SCMH1: variants seen among roughly 807,000 people sequenced by gnomAD.
SCMH1 encodes polycomb protein SCMH1.
In SCMH1, 37 loss-of-function variants were observed where a neutral mutation model predicts 70.8. The observed-to-expected ratio is 0.52, with a 90% CI of 0.40 to 0.69. The LOEUF (loss-of-function observed/expected upper bound fraction) is 0.69. Among genes scored for constraint, SCMH1 ranks in the 30% least tolerant of loss-of-function variants. SCMH1 has a pLI of 0.00. For missense variants in SCMH1, 607 were observed against 827.3 expected (o/e 0.73, Z 3.27); for synonymous variants, 292 against 307.4 (o/e 0.95, Z 0.52).
At chr1:41,080,391 C>A (rs561894881) in intron 8 of SCMH1, among the ~76,000 whole-genome samples, 4 of 152,088 alleles carry the variant, frequency 2.6e-5, no homozygotes, top group African/African-American at 7.2e-5. Context: ...GCCAGCATAA[C>A]CCTCATACCA....
Position 41,089,787 on chromosome 1 carries a change from C to CTTTTTTTTTTTTTTTTTTT in SCMH1, c.746-14355_746-14337dup. On this transcript the variant is annotated intron_variant, in intron 8 of 14. Coordinates refer to ENST00000337495, the Ensembl canonical transcript of SCMH1. Reference sequence around the variant, plus strand: ...TTATTCCACTCTAACCATGTTGTCTCTTTTTTTTTTTTTTTTTTTTTTGAG... The same window carrying CTTTTTTTTTTTTTTTTTTT: ...TTATTCCACTCTAACCATGTTGTCTCTTTTTTTTTTTTTTTTTTTTTTTTTTTTTTTTTTTTTTTTTGAG... Among the ~76,000 whole-genome samples, 218 of 58,746 alleles carry CTTTTTTTTTTTTTTTTTTT rather than the reference C, an allele frequency of 3.7e-3. 59 individuals are homozygous for CTTTTTTTTTTTTTTTTTTT. Among genetic ancestry groups the CTTTTTTTTTTTTTTTTTTT allele is most frequent in the South Asian group, 0.013 (11 of 878 alleles). The allele number at this position is 58,746 out of a possible 152,430, so 38.5% of individuals were successfully genotyped here. A position where few individuals can be genotyped will look rare whatever the true frequency, so the allele number is the denominator to read the frequency against.
rs186118120 is a variant in SCMH1 at position 41,110,153 on chromosome 1, G to A, written c.745+3130C>T. 9.6e-4 allele frequency among the ~76,000 whole-genome samples: 146 copies of A among 152,230 alleles called. 2 individuals are homozygous for A. Among genetic ancestry groups the A allele is most frequent in the Admixed American group, 2.0e-3 (31 of 15,294 alleles). ...TCACAGAGAGGAGTGGCACTTTCCT[G>A]AGCCAAGAAGTGTGTTTCCCTTTCA... is the stretch of plus-strand genomic sequence containing the variant. On this transcript the variant is annotated intron_variant, in intron 8 of 14. Transcript: ENST00000337495.
chr1:41,205,730 G>C (rs1022571607), intron 1 of SCMH1, among the ~76,000 whole-genome samples: 1 of 152,180 alleles, frequency 6.6e-6, no homozygotes, highest in Non-Finnish European at 1.5e-5. Context: ...AGCTTGAAGA[G>C]AGGAGTGGTT....
exon 6 of SCMH1, chr1:41,142,984 A>G (rs1467961580): frequency 1.2e-6 from 2 of 1,614,012 alleles, no homozygotes; most frequent in Admixed American, 1.7e-5. Flanking sequence ...CGCTCCCATC[A>G]AGGCGCAGGC....
intron 9 of SCMH1, among the ~76,000 whole-genome samples, chr1:41,073,604 C>T (rs1657249204): frequency 1.3e-5 from 2 of 151,142 alleles, no homozygotes; most frequent in Admixed American, 1.3e-4. Context: ...AGATTGGTAA[C>T]ATCATCACTA....
At chr1:41,028,646 T>C in exon 14 of SCMH1, 3 of 1,614,134 alleles carry the variant, frequency 1.9e-6, no homozygotes, top group Non-Finnish European at 2.5e-6. Flanking sequence ...ACAAACTGCA[T>C]CACATCCTCG....
chr1:41,227,972 C>T (rs1241812203), intron 1 of SCMH1, among the ~76,000 whole-genome samples: 1 of 152,032 alleles, frequency 6.6e-6, no homozygotes, highest in Admixed American at 6.5e-5. Context: ...GTCGACAGTG[C>T]AAGACTCTGT....
intron 5 of SCMH1, among the ~76,000 whole-genome samples, chr1:41,146,974 C>T (rs1470129137): frequency 2.6e-5 from 4 of 151,948 alleles, no homozygotes; most frequent in African/African-American, 9.7e-5. Flanking sequence ...TTAGTTCCTC[C>T]CCCACCCCAC....
At chr1:41,048,187 A>T (rs145164040) in intron 11 of SCMH1, among the ~76,000 whole-genome samples, 3 of 152,326 alleles carry the variant, frequency 2.0e-5, no homozygotes, top group African/African-American at 7.2e-5. Context: ...GAGAGCAAAA[A>T]ACACTGTGTC....
intron 12 of SCMH1, among the ~76,000 whole-genome samples, chr1:41,042,728 A>G (rs1646358745): frequency 6.6e-6 from 1 of 152,142 alleles, no homozygotes; most frequent in Non-Finnish European, 1.5e-5. Flanking sequence ...TTCACCACAT[A>G]CATGTTCACA....
intron 1 of SCMH1, among the ~76,000 whole-genome samples, chr1:41,221,432 C>T (rs1659240680): frequency 1.3e-5 from 2 of 151,854 alleles, no homozygotes; most frequent in South Asian, 4.2e-4. Flanking sequence ...GTAAGAAGAT[C>T]ACTTTGGCCC....
intron 8 of SCMH1, among the ~76,000 whole-genome samples, chr1:41,088,884 A>T (rs1662507240): frequency 6.6e-6 from 1 of 152,220 alleles, no homozygotes; most frequent in Non-Finnish European, 1.5e-5. Context: ...GGGGAGATGT[A>T]AAATATTTAC....
At chr1:41,187,595 T>C (rs538237991) in intron 1 of SCMH1, among the ~76,000 whole-genome samples, 28 of 151,882 alleles carry the variant, frequency 1.8e-4, no homozygotes, top group African/African-American at 6.8e-4. Flanking sequence ...AAATAACAAA[T>C]GAAAAAATGG....
At chr1:41,134,212 G>A (rs898005933) in intron 6 of SCMH1, among the ~76,000 whole-genome samples, 4 of 152,074 alleles carry the variant, frequency 2.6e-5, no homozygotes, top group Non-Finnish European at 5.9e-5. Flanking sequence ...ATGCAGAAAA[G>A]GCCTTTGACA....
At chr1:41,206,885 T>A (rs1655675232) in intron 1 of SCMH1, among the ~76,000 whole-genome samples, 1 of 152,164 alleles carries the variant, frequency 6.6e-6, no homozygotes. Context: ...GGGCCAATAT[T>A]CAACATTCTT....
At chr1:41,071,723 C>A (rs1258511451) in intron 9 of SCMH1, among the ~76,000 whole-genome samples, 3 of 151,838 alleles carry the variant, frequency 2.0e-5, no homozygotes, top group Non-Finnish European at 2.9e-5. Flanking sequence ...CATGCAGTGG[C>A]ATGGTTCTGG....
chr1:41,052,040 C>A (rs775340899), intron 10 of SCMH1, among the ~76,000 whole-genome samples: 34 of 152,184 alleles, frequency 2.2e-4, no homozygotes, highest in Non-Finnish European at 4.4e-4. Context: ...TTTACTGTAT[C>A]CTTTTTATCT....
At position 41,046,614 on chromosome 1, in the gene SCMH1, A is replaced by G; in HGVS notation, c.1307-16T>C. 1 of 1,610,322 alleles carries G rather than the reference A, an allele frequency of 6.2e-7. No individual in the cohort carries two copies. The highest frequency in any genetic ancestry group is 8.5e-7 in the Non-Finnish European group (1 of 1,176,738). On this transcript the variant is annotated splice_polypyrimidine_tract_variant and intron_variant, in intron 11 of 14. Coordinates refer to ENST00000337495, the Ensembl canonical transcript of SCMH1. ...TCAAACACGGCTGTGGAGTGAGTAAACAGGGCCAAGCATGTCAGCCTGGCA... is the reference window on the plus strand; with the variant it reads ...TCAAACACGGCTGTGGAGTGAGTAAGCAGGGCCAAGCATGTCAGCCTGGCA...
chr1:41,186,432 TTTAA>T (rs1650217606), intron 1 of SCMH1, among the ~76,000 whole-genome samples, 182 bp from the exon 2 acceptor site: 1 of 152,224 alleles, frequency 6.6e-6, no homozygotes, highest in Non-Finnish European at 1.5e-5. Context: ...ACAGGTTGAA[TTTAA>T]TTAAGCCTCT....
Sources: gnomAD v4.1 joint callset for allele counts (sites outside exome capture counted in the v4.1 genomes callset) on GRCh38, gnomAD v4.1.1 for gene constraint, MANE v1.5 for transcripts, NCBI Gene and HGNC (gene_info 2026-07-23, HGNC 2026-07-21) for gene names.